Variants in PRKN observed in about 807,000 individuals in gnomAD.
PRKN encodes parkin RBR E3 ubiquitin protein ligase.
A neutral mutation model predicts 59.5 loss-of-function variants in PRKN; 56 were observed. The observed-to-expected ratio is 0.94, with a 90% CI of 0.76 to 1.18. PRKN has a LOEUF of 1.18. PRKN is among the 50% of genes most tolerant of loss of function. The probability of loss-of-function intolerance (pLI) is 0.00; values close to 1 mark genes in which losing one functional copy is unlikely to be tolerated. For missense variants in PRKN, 657 were observed against 596.4 expected (o/e 1.10, Z -1.06); for synonymous variants, 250 against 222.1 (o/e 1.13, Z -1.12).
In PRKN at chr6:162,310,437, T is replaced by C. The variant is rs534177124; in HGVS notation, c.172-47672A>G. Among the ~76,000 whole-genome samples, 25 of 152,174 alleles carry C rather than the reference T, an allele frequency of 1.6e-4. No individual in the cohort carries two copies. In the South Asian group the frequency reaches 3.9e-3, roughly 24 times the overall value. ...GGATGCCAGATGCAGGGTCAGGAGCTGAGGAAAGCAGGCGGCCTGCAGCAA... is the reference window on the plus strand; with the variant it reads ...GGATGCCAGATGCAGGGTCAGGAGCCGAGGAAAGCAGGCGGCCTGCAGCAA... On this transcript the variant is annotated intron_variant, in intron 2 of 11. Transcript: ENST00000366898.
chr6:161,441,017 T>C (rs2115087205), intron 9 of PRKN, among the ~76,000 whole-genome samples: 1 of 152,330 alleles, frequency 6.6e-6, no homozygotes, highest in East Asian at 1.9e-4. Context: ...AACAAAAATG[T>C]TCTGAACTAC....
chr6:162,620,746 GTCTT>G (rs759168479), intron 1 of PRKN, among the ~76,000 whole-genome samples: 21 of 139,144 alleles, frequency 1.5e-4, no homozygotes, highest in East Asian at 9.9e-4. Flanking sequence ...TAAAGATGGG[GTCTT>G]TCTATGTTGT....
At chr6:162,341,068 C>A (rs1420089799) in intron 2 of PRKN, among the ~76,000 whole-genome samples, 1 of 151,248 alleles carries the variant, frequency 6.6e-6, no homozygotes, top group African/African-American at 2.4e-5. Context: ...AACAAATTTA[C>A]AAGGGAAAAA....
At chr6:162,150,450 G>T (rs1005601109) in intron 4 of PRKN, among the ~76,000 whole-genome samples, 1 of 152,134 alleles carries the variant, frequency 6.6e-6, no homozygotes, top group Non-Finnish European at 1.5e-5. Flanking sequence ...CTTTGTTACC[G>T]CAGGGCTGCT....
chr6:161,769,865 G>T (rs1366230078), intron 7 of PRKN, among the ~76,000 whole-genome samples: 5 of 152,104 alleles, frequency 3.3e-5, no homozygotes, highest in Non-Finnish European at 7.3e-5. Context: ...CAAGAATTAT[G>T]CTGCGGTTGT....
chr6:161,698,188 TCAA>T (rs1047174320), intron 7 of PRKN, among the ~76,000 whole-genome samples: 5 of 152,068 alleles, frequency 3.3e-5, no homozygotes, highest in Non-Finnish European at 5.9e-5. Context: ...ATTTAAAATG[TCAA>T]CAACATGCAA....
chr6:162,139,158 C>A (rs551915060), intron 4 of PRKN, among the ~76,000 whole-genome samples: 1 of 152,198 alleles, frequency 6.6e-6, no homozygotes, highest in Admixed American at 6.5e-5. Flanking sequence ...TGTATTCATG[C>A]ATATATTGTA....
chr6:162,176,411 C>A (rs541677042), intron 4 of PRKN, among the ~76,000 whole-genome samples: 1 of 152,126 alleles, frequency 6.6e-6, no homozygotes, highest in African/African-American at 2.4e-5. Context: ...TAATAGAGGA[C>A]CCATAAGTAA....
chr6:161,868,084 C>T (rs10945784), intron 6 of PRKN, among the ~76,000 whole-genome samples: 10,041 of 151,776 alleles, frequency 0.066, 1,084 homozygotes, highest in African/African-American at 0.23. Flanking sequence ...TCTTTAATCC[C>T]AATCTTTTAC....
At chr6:162,338,315 C>T (rs1003527048) in intron 2 of PRKN, among the ~76,000 whole-genome samples, 4 of 152,128 alleles carry the variant, frequency 2.6e-5, no homozygotes, top group African/African-American at 4.8e-5. Flanking sequence ...CATGCGGAGC[C>T]GAAGCTGGAC....
chr6:162,703,542 A>AT (rs1173895982), intron 1 of PRKN, among the ~76,000 whole-genome samples: 1 of 152,026 alleles, frequency 6.6e-6, no homozygotes, highest in Non-Finnish European at 1.5e-5. Context: ...CTTACTCTTC[A>AT]TTTTTCCATG....
intron 1 of PRKN, among the ~76,000 whole-genome samples, chr6:162,667,156 G>C (rs1779132448): frequency 1.3e-5 from 2 of 151,954 alleles, no homozygotes; most frequent in Non-Finnish European, 2.9e-5. Flanking sequence ...CCTAAACAGT[G>C]GATAATTTAA....
intron 7 of PRKN, among the ~76,000 whole-genome samples, chr6:161,762,165 C>T (rs533673713): frequency 2.6e-5 from 4 of 152,120 alleles, no homozygotes; most frequent in Admixed American, 1.3e-4. Context: ...TGATGTGAGG[C>T]AACAGTAAGA....
chr6:161,967,305 T>C (rs565432001), intron 6 of PRKN, among the ~76,000 whole-genome samples: 79 of 152,344 alleles, frequency 5.2e-4, no homozygotes, highest in African/African-American at 1.8e-3. Context: ...ACTTCATCTT[T>C]GATTTCTGCA....
chr6:162,304,163 G>C (rs2128114923), intron 2 of PRKN, among the ~76,000 whole-genome samples: 1 of 142,450 alleles, frequency 7.0e-6, no homozygotes, highest in African/African-American at 2.6e-5. Flanking sequence ...GAATTGCAGG[G>C]GTTGTTGGTA....
intron 1 of PRKN, among the ~76,000 whole-genome samples, chr6:162,509,928 A>T (rs1165564227): frequency 2.0e-5 from 3 of 152,188 alleles, no homozygotes; most frequent in Non-Finnish European, 4.4e-5. Flanking sequence ...TAATATACAA[A>T]AGAAAATAGG....
In PRKN at chr6:161,386,127, T is replaced by C. The variant is rs1786228353; in HGVS notation, c.1167+667A>G. The stretch of plus-strand genomic sequence containing the variant: ...TTGCAAAGATTTGGTGTTTAAACCC[T>C]TGTTAACATCTACATTGGGAGAAAA... On this transcript the variant is annotated intron_variant, in intron 10 of 11. Transcript: ENST00000366898. The surrounding 1 kb of genome is among the most constrained non-coding windows in gnomAD (Gnocchi z 4.3). Among the ~76,000 whole-genome samples the C allele has an allele frequency of 6.6e-6, 1 of 152,274 alleles. No homozygotes were observed. Among genetic ancestry groups the C allele is most frequent in the African/African-American group, 2.4e-5 (1 of 41,480 alleles).
chr6:162,519,037 A>G (rs571017513), intron 1 of PRKN, among the ~76,000 whole-genome samples: 19 of 152,076 alleles, frequency 1.2e-4, no homozygotes, highest in Non-Finnish European at 1.8e-4. Context: ...AGGTGTGGTG[A>G]CGCATGCCTG....
intron 7 of PRKN, among the ~76,000 whole-genome samples, chr6:161,659,087 C>G (rs1297277534): frequency 6.6e-6 from 1 of 152,160 alleles, no homozygotes. Context: ...TTGACTGTGA[C>G]TGCCTGACAA....
Sources: gnomAD v4.1 joint callset for allele counts (sites outside exome capture counted in the v4.1 genomes callset) on GRCh38, gnomAD v4.1.1 for gene constraint, Gnocchi (gnomAD v3.1) non-coding constraint, MANE v1.5 for transcripts, NCBI Gene and HGNC (gene_info 2026-07-23, HGNC 2026-07-21) for gene names.